The following B4GALT1 variants were observed in gnomAD, a reference collection of about 807,000 sequenced individuals.
The protein encoded by B4GALT1 is beta-1,4-galactosyltransferase 1.
Under a neutral mutation model 34.9 loss-of-function variants are expected in B4GALT1, and 16 were observed. The observed-to-expected ratio is 0.46, with a 90% confidence interval of 0.31 to 0.70. The LOEUF (loss-of-function observed/expected upper bound fraction) is 0.70, where lower values mean the gene tolerates loss of function less well. B4GALT1 is among the 30% of genes least tolerant of loss of function. The pLI, the probability that B4GALT1 is intolerant of heterozygous loss-of-function variation, is 0.05. For missense variants in B4GALT1, 445 were observed against 530.5 expected, an observed-to-expected ratio of 0.84 and a Z score of 1.58; for synonymous variants, 221 against 218.1, an observed-to-expected ratio of 1.01 and a Z score of -0.12.
intron 1 of B4GALT1, among the ~76,000 whole-genome samples, chr9:33,142,966 A>G (rs1203413205): frequency 3.3e-5 from 5 of 152,088 alleles, no homozygotes; most frequent in African/African-American, 1.2e-4. Context: ...CCAACATGGT[A>G]AAACCATGTC....
chr9:33,138,860 C>T (rs1453304549), intron 1 of B4GALT1, among the ~76,000 whole-genome samples: 2 of 152,162 alleles, frequency 1.3e-5, no homozygotes, highest in Non-Finnish European at 2.9e-5. Context: ...ATTCCCTCAG[C>T]AACTGACACC....
chr9:33,182,234 C>T, the B4GALT1 span, among the ~76,000 whole-genome samples: 1 of 152,192 alleles, frequency 6.6e-6, no homozygotes, highest in Non-Finnish European at 1.5e-5. Flanking sequence ...CTTCACATGG[C>T]CTTCTCTCTG....
intron 1 of B4GALT1, among the ~76,000 whole-genome samples, chr9:33,147,985 G>C (rs1037137690): frequency 2.0e-5 from 3 of 152,072 alleles, no homozygotes; most frequent in African/African-American, 7.2e-5. Context: ...AATGAGTCAT[G>C]ATCATACCAC....
chr9:33,124,988 C>T (rs1840070450), intron 2 of B4GALT1, among the ~76,000 whole-genome samples: 1 of 152,146 alleles, frequency 6.6e-6, no homozygotes, highest in African/African-American at 2.4e-5. Context: ...TTCAAAGACG[C>T]AGCTTTTAAA....
intron 2 of B4GALT1, among the ~76,000 whole-genome samples, chr9:33,126,600 T>C (rs536622404): frequency 6.6e-6 from 1 of 152,212 alleles, no homozygotes; most frequent in East Asian, 1.9e-4. Flanking sequence ...TGTTAAACAT[T>C]GTTAACTATT....
rs898099387 is a variant in B4GALT1, at chr9:33,167,242, G to T, written c.-73C>A. The stretch of plus-strand genomic sequence containing the variant: ...GACCCGCCCGCGGGCCGCCCGCCAG[G>T]CGCTGCCCCACAGCGGCGACTAGGG... On this transcript the variant is annotated 5_prime_UTR_variant, in exon 1 of 6. Coordinates refer to ENST00000379731, the MANE Select transcript of B4GALT1 (RefSeq NM_001497.4). The T allele has an allele frequency of 3.8e-5, 55 of 1,443,042 alleles. No individual in the cohort carries two copies. In the African/African-American group the frequency reaches 6.2e-4, roughly 16 times the overall value. 89.4% of individuals were successfully genotyped at this position (1,443,042 alleles called of 1,614,324 possible).
At chr9:33,176,956 TC>T in the B4GALT1 span, among the ~76,000 whole-genome samples, 1 of 152,188 alleles carries the variant, frequency 6.6e-6, no homozygotes, top group African/African-American at 2.4e-5. Context: ...TACAGCCACA[TC>T]CGTGACCTTA....
chr9:33,137,816 A>T (rs1840292638), intron 1 of B4GALT1, among the ~76,000 whole-genome samples: 1 of 152,098 alleles, frequency 6.6e-6, no homozygotes, highest in Non-Finnish European at 1.5e-5. Context: ...GATTCCCACC[A>T]TTCACACCCT....
the B4GALT1 span, among the ~76,000 whole-genome samples, chr9:33,184,347 G>T: frequency 2.0e-5 from 3 of 151,670 alleles, no homozygotes; most frequent in Non-Finnish European, 4.4e-5. Context: ...TCCACTGGGG[G>T]TCTGAGAACA....
At chr9:33,167,368 G>T, upstream of B4GALT1, 1 of 595,348 alleles carries the variant, frequency 1.7e-6, no homozygotes, top group Non-Finnish European at 2.5e-6. Flanking sequence ...CCGGCGGAGA[G>T]GGGAGGGGCG....
At chr9:33,135,762 C>T (rs988010829) in intron 1 of B4GALT1, among the ~76,000 whole-genome samples, 17 of 152,196 alleles carry the variant, frequency 1.1e-4, no homozygotes, top group African/African-American at 3.9e-4. Context: ...TTGTAGAAAT[C>T]AGTGATCACG....
At chr9:33,152,346 T>TAAC (rs1271743222) in intron 1 of B4GALT1, among the ~76,000 whole-genome samples, 4 of 87,234 alleles carry the variant, frequency 4.6e-5, no homozygotes, top group South Asian at 4.5e-4. Context: ...TAACATAACA[T>TAAC]AACATAACAT....
rs1486445811 is a variant in B4GALT1, at chr9:33,167,113, T to C, written c.57A>G (p.Leu19=). 3.1e-6 allele frequency: 5 copies of C among 1,604,358 alleles called. No individual in the cohort carries two copies. Among genetic ancestry groups the C allele is most frequent in the Non-Finnish European group, 4.2e-6 (5 of 1,178,086 alleles). ...CCACGAGCAGGCGGCAGGCCCGCTG[T>C]AGGGACGCGCCTGGCATCGCGGCGC... ...SGSAAMPGAS[L]QRACRLLVAV... is the part of the protein sequence containing the mutation. The change falls in exon 1 of 6, where the codon CTA becomes CTG. Residue 19 remains leucine (L), a synonymous_variant. Coordinates refer to ENST00000379731, the MANE Select transcript of B4GALT1 (RefSeq NM_001497.4).
Position 33,120,581 on chromosome 9 carries a change from G to A in B4GALT1, c.674C>T (p.Ala225Val), listed in dbSNP as rs1314089016. The part of the protein sequence containing the change: ...NQAGDTIFNR[A>V]KLLNVGFQEA... Reference sequence around the variant, plus strand: ...TTGAAAGCCAACATTGAGGAGCTTAGCACGATTGAATATAGTGTCTCCCGC... The same window carrying A: ...TTGAAAGCCAACATTGAGGAGCTTAACACGATTGAATATAGTGTCTCCCGC... Residue 225 changes from alanine (A) to valine (V), a missense_variant, in exon 3 of 6, where the codon GCT (alanine) becomes GTT (valine). Physicochemically the swap from Ala to Val is moderately conservative, Grantham distance 64. Around this residue, in one of 3 missense-constraint regions of B4GALT1, gnomAD observed 349 missense variants for 395.5 expected, o/e 0.88. Transcript: ENST00000379731. 1 of 1,614,086 alleles carries A rather than the reference G, an allele frequency of 6.2e-7. No individual in the cohort carries two copies. Among genetic ancestry groups the A allele is most frequent in the Non-Finnish European group, 8.5e-7 (1 of 1,180,032 alleles).
intron 2 of B4GALT1, among the ~76,000 whole-genome samples, chr9:33,129,282 G>C (rs1345764399): frequency 6.6e-6 from 1 of 152,186 alleles, no homozygotes; most frequent in East Asian, 1.9e-4. Context: ...CAATCACAAG[G>C]CTAAGGTATT....
chr9:33,120,940 G>A (rs1043033148), intron 2 of B4GALT1, among the ~76,000 whole-genome samples: 1 of 152,194 alleles, frequency 6.6e-6, no homozygotes, highest in Non-Finnish European at 1.5e-5. Flanking sequence ...ACAATGGAAT[G>A]GAACTGTTAA....
Position 33,167,282 on chromosome 9 carries a change from G to A in B4GALT1, c.-113C>T, listed in dbSNP as rs1587756133. ...GGCGACTAGGGGAGGGCCCGGAGCG[G>A]GGGCGGGCGAGCGGCTGAGAGCTGA... On this transcript the variant is annotated 5_prime_UTR_variant, in exon 1 of 6. Transcript: ENST00000379731. 1 of 1,341,748 alleles carries A rather than the reference G, an allele frequency of 7.5e-7. No homozygotes were observed. The highest frequency in any genetic ancestry group is 2.9e-5 in the East Asian group (1 of 34,712). The allele number at this position is 1,341,748 out of a possible 1,614,324, so 83.1% of individuals were successfully genotyped here.
intron 2 of B4GALT1, 120 bp from the exon 3 acceptor site, chr9:33,120,726 T>C (rs1409407134): frequency 1.0e-6 from 1 of 991,922 alleles, no homozygotes; most frequent in African/African-American, 1.6e-5. Context: ...GCCTCACTTT[T>C]CTGCCGTCAC....
intron 1 of B4GALT1, among the ~76,000 whole-genome samples, chr9:33,157,509 A>G (rs1840613310): frequency 6.6e-6 from 1 of 152,244 alleles, no homozygotes; most frequent in African/African-American, 2.4e-5. Context: ...ATAATCATAA[A>G]CAACATAACA....
Sources: gnomAD v4.1 joint callset for allele counts (sites outside exome capture counted in the v4.1 genomes callset) on GRCh38, gnomAD v4.1.1 for gene constraint, gnomAD v4.1.1 regional missense constraint, MANE v1.5 for transcripts, NCBI Gene and HGNC (gene_info 2026-07-23, HGNC 2026-07-21) for gene names.